KIF27: variants seen among roughly 807,000 people sequenced by gnomAD.
The protein encoded by KIF27 is kinesin-like protein KIF27.
KIF27 carries 84 observed loss-of-function variants against 141.8 expected under a neutral mutation model. The observed-to-expected ratio is 0.59, with a 90% CI of 0.50 to 0.71. KIF27 has a LOEUF of 0.71. KIF27 is among the 30% of genes least tolerant of loss of function. The pLI is 0.00. For synonymous variants in KIF27, 471 were observed against 569.5 expected (o/e 0.83, Z 2.46); for missense variants, 1,306 against 1,628.4 (o/e 0.80, Z 3.41).
At chr9:83,878,025 G>A (rs1276117228) in intron 11 of KIF27, among the ~76,000 whole-genome samples, 8 of 151,788 alleles carry the variant, frequency 5.3e-5, no homozygotes, top group African/African-American at 1.2e-4. Context: ...TTAGCCGGGC[G>A]TGGTGGCGGG....
In KIF27 at chr9:83,834,769, C is replaced by T. The variant is rs1266055383; in HGVS notation, c.*2232G>A. Reference sequence around the variant, plus strand: ...CTTGCTAAGGGCACTGACCTTTGGCCATTATATATATCTATATCTATGTAT... The same window carrying T: ...CTTGCTAAGGGCACTGACCTTTGGCTATTATATATATCTATATCTATGTAT... On this transcript the variant is annotated 3_prime_UTR_variant, in exon 18 of 18. Transcript: ENST00000297814. Among the ~76,000 whole-genome samples, 2 of 149,902 alleles carry T rather than the reference C, an allele frequency of 1.3e-5. No individual in the cohort carries two copies. Among genetic ancestry groups the T allele is most frequent in the Non-Finnish European group, 3.0e-5 (2 of 67,540 alleles).
chr9:83,879,779 A>G (rs528759633), intron 11 of KIF27, among the ~76,000 whole-genome samples: 1 of 152,324 alleles, frequency 6.6e-6, no homozygotes, highest in Non-Finnish European at 1.5e-5. Flanking sequence ...ATTTGAACCT[A>G]TGATAGCCTG....
rs1947737690 is a variant in KIF27, at chr9:83,848,157, TATATGATATATCTGATATATC to T, written c.3556+1921_3556+1941del. ...CATATATGATATATCTGATATATCA[TATATGATATATCTGATATATC>T]ATATATGATATATATGATATATCAG... On this transcript the variant is annotated intron_variant, in intron 16 of 17. Transcript: ENST00000297814. 6.2e-5 allele frequency among the ~76,000 whole-genome samples: 4 copies of T among 64,630 alleles called. 1 individual carries two copies. Among genetic ancestry groups the T allele is most frequent in the African/African-American group, 2.1e-4 (2 of 9,586 alleles). The allele number at this position is 64,630 out of a possible 152,430, so 42.4% of individuals were successfully genotyped here. A position where few individuals can be genotyped will look rare whatever the true frequency, so the allele number is the denominator to read the frequency against.
At chr9:83,906,410 G>A (rs1403152174) in intron 3 of KIF27, among the ~76,000 whole-genome samples, 1 of 152,020 alleles carries the variant, frequency 6.6e-6, no homozygotes, top group Non-Finnish European at 1.5e-5. Flanking sequence ...GGTTCTCCAG[G>A]AAGGTTCCAC....
At chr9:83,910,641 C>T (rs1478157208) in intron 2 of KIF27, among the ~76,000 whole-genome samples, 1 of 152,094 alleles carries the variant, frequency 6.6e-6, no homozygotes, top group East Asian at 1.9e-4. Flanking sequence ...GCCAGTTATG[C>T]CCAGGCCTAG....
chr9:83,908,523 AG>A lies in KIF27; in HGVS notation c.427del (p.Leu143Ter), dbSNP rs747039215. The A allele has an allele frequency of 1.2e-6, 2 of 1,612,094 alleles. No individual in the cohort carries two copies. The highest frequency in any genetic ancestry group is 1.7e-6 in the Non-Finnish European group (2 of 1,178,510). On this transcript the variant is annotated frameshift_variant, in exon 3 of 18. Transcript: ENST00000297814. LOFTEE classifies it high-confidence loss of function. ...TGTCTCCAATTCTAGAAGATCTCTT[AG>A]GTCTTCCTTGTACACTTCTATATAA... ...VSYIEVYKED[L>X]RDLLELETSM...
chr9:83,889,257 G>A lies in KIF27; in HGVS notation c.1810-4C>T. On this transcript the variant is annotated splice_polypyrimidine_tract_variant and splice_region_variant and intron_variant, in intron 6 of 17. Transcript: ENST00000297814. ...ACATAGGCGGACTTGTGTGGACCTTGCAAGTGATTCCCCCACCCAACAACA... is the reference window on the plus strand; with the variant it reads ...ACATAGGCGGACTTGTGTGGACCTTACAAGTGATTCCCCCACCCAACAACA... The A allele has an allele frequency of 6.3e-7, 1 of 1,583,606 alleles. No homozygotes were observed. The highest frequency in any genetic ancestry group is 8.6e-7 in the Non-Finnish European group (1 of 1,161,714).
At chr9:83,880,618 G>T (rs187978378) in intron 10 of KIF27, 124 bp from the exon 11 acceptor site, 463 of 841,092 alleles carry the variant, frequency 5.5e-4, no homozygotes, top group Non-Finnish European at 7.2e-4. Context: ...ATTTTTGACA[G>T]GTTTACAAAC....
At chr9:83,908,339 T>G in intron 3 of KIF27, 113 bp downstream of exon 3, 1 of 548,768 alleles carries the variant, frequency 1.8e-6, no homozygotes, top group East Asian at 3.0e-5. Flanking sequence ...TAAATTCATT[T>G]TGCTTCTGCA....
At chr9:83,856,792 C>T (rs145940865) in intron 14 of KIF27, among the ~76,000 whole-genome samples, 2,563 of 148,878 alleles carry the variant, frequency 0.017, 89 homozygotes, top group African/African-American at 0.061. Flanking sequence ...CATCTGTAAT[C>T]CCAGCTACTG....
intron 14 of KIF27, among the ~76,000 whole-genome samples, chr9:83,854,473 G>T (rs1159126437): frequency 2.0e-5 from 3 of 152,206 alleles, no homozygotes; most frequent in Non-Finnish European, 4.4e-5. Context: ...GAAGGAAAAT[G>T]TAGGTGTTAA....
intron 17 of KIF27, among the ~76,000 whole-genome samples, chr9:83,840,359 T>G (rs2131476771): frequency 6.6e-6 from 1 of 152,260 alleles, no homozygotes; most frequent in African/African-American, 2.4e-5. Flanking sequence ...TCCAACGTTA[T>G]TATCAAGACT....
At chr9:83,875,228 T>C (rs944842610) in intron 11 of KIF27, among the ~76,000 whole-genome samples, 7 of 152,170 alleles carry the variant, frequency 4.6e-5, no homozygotes, top group South Asian at 2.1e-4. Context: ...GACAGATTCA[T>C]GGTGTTTTAA....
intron 10 of KIF27, among the ~76,000 whole-genome samples, chr9:83,882,532 T>C (rs1951763946): frequency 1.3e-5 from 2 of 152,226 alleles, no homozygotes; most frequent in South Asian, 2.1e-4. Flanking sequence ...TTGGTATGTA[T>C]AGGCCCTCAA....
chr9:83,913,719 G>C, intron 2 of KIF27, among the ~76,000 whole-genome samples: 1 of 152,168 alleles, frequency 6.6e-6, no homozygotes, highest in Admixed American at 6.5e-5. Context: ...TTACAGGCGT[G>C]AGCCACCACG....
In KIF27 at chr9:83,834,786, T is replaced by C. The variant is rs1945620425; in HGVS notation, c.*2215A>G. On this transcript the variant is annotated 3_prime_UTR_variant, in exon 18 of 18. Coordinates refer to ENST00000297814, the MANE Select transcript of KIF27 (RefSeq NM_017576.4). Reference sequence around the variant, plus strand: ...CCTTTGGCCATTATATATATCTATATCTATGTATATATACAAGTGTATCTA... The same window carrying C: ...CCTTTGGCCATTATATATATCTATACCTATGTATATATACAAGTGTATCTA... 1.0e-4 allele frequency among the ~76,000 whole-genome samples: 15 copies of C among 150,612 alleles called. No homozygotes were observed. The Admixed American group carries it at 1.0e-3, about 10-fold the overall frequency.
intron 3 of KIF27, among the ~76,000 whole-genome samples, chr9:83,906,052 C>G (rs1007886031): frequency 2.6e-5 from 4 of 152,082 alleles, no homozygotes; most frequent in African/African-American, 9.7e-5. Context: ...ATACTTCTAT[C>G]CTGCTTGATA....
At chr9:83,902,184 A>C (rs1274870052) in intron 4 of KIF27, among the ~76,000 whole-genome samples, 10 of 152,184 alleles carry the variant, frequency 6.6e-5, no homozygotes, top group African/African-American at 1.9e-4. Flanking sequence ...GTCTAGCTAG[A>C]TAGAGAAATA....
chr9:83,874,430 GTAGAAAAGAGAC>G (rs775426773), intron 11 of KIF27, among the ~76,000 whole-genome samples: 43 of 152,300 alleles, frequency 2.8e-4, no homozygotes, highest in Middle Eastern at 3.4e-3. Flanking sequence ...GTTTAGTCAA[GTAGAAAAGAGAC>G]AGGAGTCTCA....
Sources: gnomAD v4.1 joint callset for allele counts (sites outside exome capture counted in the v4.1 genomes callset) on GRCh38, gnomAD v4.1.1 for gene constraint, MANE v1.5 for transcripts, NCBI Gene and HGNC (gene_info 2026-07-23, HGNC 2026-07-21) for gene names.